ALPL: variants seen among roughly 807,000 people sequenced by gnomAD.
ALPL encodes alkaline phosphatase, tissue-nonspecific isozyme.
ALPL carries 42 observed loss-of-function variants against 51.3 expected under a neutral mutation model. The ratio of observed to expected loss-of-function variants is 0.82; its 90% confidence interval spans 0.64 to 1.06. ALPL has a LOEUF of 1.06. ALPL is among the 50% of genes least tolerant of loss of function. The pLI, the probability that ALPL is intolerant of heterozygous loss-of-function variation, is 0.00. For missense variants in ALPL, 589 were observed against 709.4 expected (o/e 0.83, Z 1.93); for synonymous variants, 279 against 296.4 (o/e 0.94, Z 0.60).
chr1:21,576,511 T>TC lies in ALPL; in HGVS notation c.1190-8dup. 2 of 1,613,558 alleles carry TC rather than the reference T, an allele frequency of 1.2e-6. No homozygotes were observed. Among genetic ancestry groups the TC allele is most frequent in the Non-Finnish European group, 1.7e-6 (2 of 1,179,706 alleles). ...CCCAGCATGACCCCTGAACACCCCC[T>TC]CCCTGTGCAGGTCTGGCCCCCATGC... is the stretch of plus-strand genomic sequence containing the variant. On this transcript the variant is annotated splice_polypyrimidine_tract_variant and intron_variant, in intron 10 of 11. Transcript: ENST00000374840.
intron 1 of ALPL, among the ~76,000 whole-genome samples, chr1:21,519,658 G>C (rs1047673544): frequency 1.3e-5 from 2 of 152,192 alleles, no homozygotes; most frequent in African/African-American, 4.8e-5. Context: ...CTAGCTGGGC[G>C]TGGTGGTGTA....
chr1:21,563,725 CAG>C (rs1281417129), intron 5 of ALPL, among the ~76,000 whole-genome samples: 1 of 152,184 alleles, frequency 6.6e-6, no homozygotes, highest in Admixed American at 6.5e-5. Context: ...ATACAGGTGA[CAG>C]AGCCACAGTC....
chr1:21,569,575 G>A (rs376615126), intron 7 of ALPL, among the ~76,000 whole-genome samples: 1 of 149,986 alleles, frequency 6.7e-6, no homozygotes, highest in African/African-American at 2.5e-5. Flanking sequence ...GGGCTGGGAG[G>A]GGGGGTGCGG....
At position 21,529,509 on chromosome 1, in the gene ALPL, C is replaced by T. The variant is rs937976599; in HGVS notation, c.-105+19992C>T. Among the ~76,000 whole-genome samples, 6 of 152,150 alleles carry T rather than the reference C, an allele frequency of 3.9e-5. No individual in the cohort carries two copies. In the East Asian group the frequency reaches 1.2e-3, roughly 29 times the overall value. On this transcript the variant is annotated intron_variant, in intron 1 of 11. Coordinates refer to ENST00000374840, the MANE Select transcript of ALPL (RefSeq NM_000478.6). ...GGAATTCCAGTCATGAGCCACCAAG[C>T]CTGGCCAATTTTCTGTTTCTTAATC...
At position 21,577,687 on chromosome 1, in the gene ALPL, G is replaced by A; in HGVS notation, c.*39G>A. On this transcript the variant is annotated 3_prime_UTR_variant, in exon 12 of 12. Coordinates refer to ENST00000374840, the MANE Select transcript of ALPL (RefSeq NM_000478.6). ...GGGCACCCACAAGCCCGTGACAGAT[G>A]CCAACTTCCCACACGGCAGCCCCCC... 6.3e-7 allele frequency: 1 copy of A among 1,581,724 alleles called. No individual in the cohort carries two copies. The highest frequency in any genetic ancestry group is 8.5e-7 in the Non-Finnish European group (1 of 1,171,498).
At chr1:21,563,735 GTCCAC>G (rs1455862890) in intron 5 of ALPL, among the ~76,000 whole-genome samples, 1 of 152,302 alleles carries the variant, frequency 6.6e-6, no homozygotes, top group East Asian at 1.9e-4. Context: ...CAGAGCCACA[GTCCAC>G]TTGAGATCCC....
At chr1:21,546,103 A>C (rs1345686279) in intron 1 of ALPL, among the ~76,000 whole-genome samples, 1 of 152,130 alleles carries the variant, frequency 6.6e-6, no homozygotes, top group Admixed American at 6.6e-5. Context: ...CAATTCTTTT[A>C]AATTTAATTC....
chr1:21,519,469 C>T (rs1032481141), intron 1 of ALPL, among the ~76,000 whole-genome samples: 1 of 152,234 alleles, frequency 6.6e-6, no homozygotes, highest in African/African-American at 2.4e-5. Context: ...ATGCGCAGCA[C>T]AGCAAAGGGC....
At chr1:21,552,441 T>C (rs12726396) in intron 1 of ALPL, among the ~76,000 whole-genome samples, 19,435 of 146,566 alleles carry the variant, frequency 0.13, 1,499 homozygotes, top group Middle Eastern at 0.19. Flanking sequence ...GTTGTGCCAT[T>C]GCACTCCAGC....
At chr1:21,554,524 T>C (rs1644373750) in intron 2 of ALPL, among the ~76,000 whole-genome samples, 1 of 149,460 alleles carries the variant, frequency 6.7e-6, no homozygotes, top group Non-Finnish European at 1.5e-5. Context: ...AGGGTTTCGC[T>C]CTGTTGCCCA....
At chr1:21,549,906 A>G (rs1644299640) in intron 1 of ALPL, among the ~76,000 whole-genome samples, 1 of 152,192 alleles carries the variant, frequency 6.6e-6, no homozygotes, top group South Asian at 2.1e-4. Flanking sequence ...AAACATATCC[A>G]AGATCTACAG....
At chr1:21,562,358 A>G (rs912687896) in intron 4 of ALPL, among the ~76,000 whole-genome samples, 2 of 152,216 alleles carry the variant, frequency 1.3e-5, no homozygotes, top group Non-Finnish European at 2.9e-5. Context: ...GGAGTACACT[A>G]AAATGAGGTG....
rs372315234 is a variant in ALPL, at chr1:21,577,637, G to A, written c.1564G>A (p.Val522Ile). The A allele has an allele frequency of 4.5e-5, 72 of 1,597,868 alleles. No individual in the cohort carries two copies. The highest frequency in any genetic ancestry group is 2.5e-4 in the East Asian group (11 of 44,750). The change falls in exon 12 of 12, where the codon GTC becomes ATC. Residue 522 changes from valine to isoleucine, a missense_variant. Val to Ile is a conservative substitution (Grantham distance 29). Coordinates refer to ENST00000374840, the MANE Select transcript of ALPL (RefSeq NM_000478.6). Reference protein sequence around the residue: ...LLALALYPLSVLF With the variant: ...LLALALYPLSILF ...CGCGCTGGCCCTCTACCCCCTGAGC[G>A]TCCTGTTCTGAGGGCCCAGGGCCCG...
At chr1:21,531,446 T>C (rs944472441) in intron 1 of ALPL, among the ~76,000 whole-genome samples, 5 of 152,186 alleles carry the variant, frequency 3.3e-5, no homozygotes, top group African/African-American at 1.2e-4. Context: ...AGATACTTTT[T>C]GTGGGTTTCA....
Position 21,523,525 on chromosome 1 carries a change from A to G in ALPL, c.-105+14008A>G, listed in dbSNP as rs576329864. On this transcript the variant is annotated intron_variant, in intron 1 of 11. Coordinates refer to ENST00000374840, the MANE Select transcript of ALPL (RefSeq NM_000478.6). ...GTGCCAGGGTGCATGCTGGCGCTAT[A>G]TGATCCGTGGGGCGGAGGGGAGTAT... Among the ~76,000 whole-genome samples, 12 of 152,200 alleles carry G rather than the reference A, an allele frequency of 7.9e-5. No homozygotes were observed. In the East Asian group the frequency reaches 2.1e-3, roughly 27 times the overall value.
In ALPL at chr1:21,561,118, C is replaced by T. The variant is rs1644478533; in HGVS notation, c.203C>T (p.Thr68Met). 13 of 1,611,784 alleles carry T rather than the reference C, an allele frequency of 8.1e-6. No individual in the cohort carries two copies. The highest frequency in any genetic ancestry group is 1.1e-5 in the Non-Finnish European group (13 of 1,179,198). Reference sequence around the variant, plus strand: ...GCAGGGATGGGTGTCTCCACAGTGACGGCTGCCCGCATCCTCAAGGGTCAG... The same window carrying T: ...GCAGGGATGGGTGTCTCCACAGTGATGGCTGCCCGCATCCTCAAGGGTCAG... ...LGDGMGVSTV[T>M]AARILKGQLH... Residue 68 changes from threonine (T) to methionine (M), a missense_variant, in exon 4 of 12, where the codon ACG becomes ATG. By Grantham distance (81) the Thr-to-Met change is moderately conservative. Coordinates refer to ENST00000374840, the MANE Select transcript of ALPL (RefSeq NM_000478.6).
chr1:21,520,992 C>G (rs552314151), intron 1 of ALPL, among the ~76,000 whole-genome samples: 4 of 152,330 alleles, frequency 2.6e-5, no homozygotes, highest in African/African-American at 9.6e-5. Flanking sequence ...CTGCAGCAAC[C>G]TCTCCCTGTT....
chr1:21,573,208 C>A (rs958838590), intron 8 of ALPL, among the ~76,000 whole-genome samples: 1 of 152,106 alleles, frequency 6.6e-6, no homozygotes, highest in African/African-American at 2.4e-5. Context: ...CCGAGGTGGG[C>A]GGATGACCTG....
At chr1:21,522,310 A>G (rs768090624) in intron 1 of ALPL, among the ~76,000 whole-genome samples, 3 of 152,054 alleles carry the variant, frequency 2.0e-5, no homozygotes, top group Admixed American at 6.6e-5. Flanking sequence ...TCCTGACTTC[A>G]TGATCCGCCC....
Sources: allele counts gnomAD v4.1 joint callset (sites outside exome capture counted in the v4.1 genomes callset), GRCh38; gene constraint gnomAD v4.1.1; transcripts MANE v1.5; gene names NCBI Gene and HGNC (gene_info 2026-07-23, HGNC 2026-07-21).